Variants in DIS3L2 observed in about 807,000 individuals in gnomAD.
The protein encoded by DIS3L2 is DIS3-like exonuclease 2.
DIS3L2 carries 34 observed loss-of-function variants against 97.5 expected under a neutral mutation model. The observed-to-expected ratio is 0.35, with a 90% CI of 0.27 to 0.46. The LOEUF (loss-of-function observed/expected upper bound fraction) is 0.46. Among genes scored for constraint, DIS3L2 ranks in the 20% least tolerant of loss-of-function variants. The pLI, the probability that DIS3L2 is intolerant of heterozygous loss-of-function variation, is 1.00. For synonymous variants in DIS3L2, 435 were observed against 445.2 expected, an observed-to-expected ratio of 0.98 and a Z score of 0.29; for missense variants, 1,038 against 1,146.0, an observed-to-expected ratio of 0.91 and a Z score of 1.36.
At chr2:232,181,651 T>C (rs1346630558) in intron 9 of DIS3L2, among the ~76,000 whole-genome samples, 2 of 152,110 alleles carry the variant, frequency 1.3e-5, no homozygotes. Context: ...AATTTTTTAA[T>C]TTTTTGAGAC....
intron 1 of DIS3L2, among the ~76,000 whole-genome samples, chr2:231,967,651 A>C (rs2106213764): frequency 6.6e-6 from 1 of 152,284 alleles, no homozygotes; most frequent in South Asian, 2.1e-4. Context: ...AAGTTTTGTA[A>C]ATGAAAAAAA....
rs1216643186 is a variant in DIS3L2 at position 232,249,266 on chromosome 2, T to C, written c.1345T>C (p.Cys449Arg). The C allele has an allele frequency of 1.2e-6, 2 of 1,614,182 alleles. No homozygotes were observed. Among genetic ancestry groups the C allele is most frequent in the Non-Finnish European group, 1.7e-6 (2 of 1,180,026 alleles). Reference protein sequence around the residue: ...KVVPMLPRLLCEELCSLNPMS... With the variant: ...KVVPMLPRLLREELCSLNPMS... ...GGTCCCCATGCTTCCCAGGCTGCTGTGTGAGGAGCTGTGCAGCCTCAACCC... is the reference window on the plus strand; with the variant it reads ...GGTCCCCATGCTTCCCAGGCTGCTGCGTGAGGAGCTGTGCAGCCTCAACCC... Residue 449 changes from cysteine (C) to arginine (R), a missense_variant, in exon 12 of 21, where the codon TGT (cysteine) becomes CGT (arginine). Cys to Arg is a radical substitution (Grantham distance 180, BLOSUM62 -3). Transcript: ENST00000325385.
At chr2:232,191,256 G>A (rs16828656) in intron 9 of DIS3L2, among the ~76,000 whole-genome samples, 10,299 of 152,150 alleles carry the variant, frequency 0.068, 686 homozygotes, top group African/African-American at 0.17. Context: ...GCCAGTGGGC[G>A]ACATACACAT....
At chr2:232,014,202 G>A (rs1694289686) in intron 1 of DIS3L2, among the ~76,000 whole-genome samples, 1 of 152,228 alleles carries the variant, frequency 6.6e-6, no homozygotes, top group Admixed American at 6.5e-5. Context: ...AGATACAGCT[G>A]TTTGAGCTTC....
intron 17 of DIS3L2, 77 bp from the exon 18 acceptor site, chr2:232,334,292 C>T (rs1695867491): frequency 6.6e-7 from 1 of 1,514,556 alleles, no homozygotes; most frequent in African/African-American, 1.4e-5. Flanking sequence ...GGTGCAGCGC[C>T]ATGCAGCCCA....
At chr2:232,169,954 G>A (rs1304891440) in intron 9 of DIS3L2, among the ~76,000 whole-genome samples, 1 of 152,174 alleles carries the variant, frequency 6.6e-6, no homozygotes, top group Non-Finnish European at 1.5e-5. Context: ...TTTTCAAGAA[G>A]TTAGGCTTGC....
chr2:232,028,620 A>G (rs747689697), intron 4 of DIS3L2, among the ~76,000 whole-genome samples: 1 of 152,158 alleles, frequency 6.6e-6, no homozygotes, highest in Non-Finnish European at 1.5e-5. Context: ...ACACGTGAGT[A>G]TGGGTTAGGG....
chr2:232,016,864 A>C (rs1049079747), intron 3 of DIS3L2, among the ~76,000 whole-genome samples: 1 of 151,782 alleles, frequency 6.6e-6, no homozygotes, highest in Non-Finnish European at 1.5e-5. Context: ...GATCTAACCA[A>C]TTTACAGATG....
intron 8 of DIS3L2, among the ~76,000 whole-genome samples, chr2:232,158,208 T>C (rs974909892): frequency 1.3e-5 from 2 of 152,178 alleles, no homozygotes. Flanking sequence ...TTACAATGGA[T>C]TTAATGCTAT....
At chr2:232,171,772 A>G (rs1366413910) in intron 9 of DIS3L2, among the ~76,000 whole-genome samples, 2 of 152,200 alleles carry the variant, frequency 1.3e-5, no homozygotes, top group African/African-American at 4.8e-5. Flanking sequence ...AATGGGCCCT[A>G]AAGTAGATAC....
At chr2:232,174,836 G>GTT (rs150610608) in intron 9 of DIS3L2, among the ~76,000 whole-genome samples, 50 of 147,854 alleles carry the variant, frequency 3.4e-4, no homozygotes, top group African/African-American at 1.2e-3. Flanking sequence ...CAGTCATTCA[G>GTT]TTTTTTTTTT....
At chr2:232,097,717 C>CTAGATTTGGAGCAGAGAGTGCTCAGGGAA (rs1697065322) in intron 6 of DIS3L2, among the ~76,000 whole-genome samples, 1 of 152,144 alleles carries the variant, frequency 6.6e-6, no homozygotes, top group Admixed American at 6.5e-5. Flanking sequence ...TCAGGAACCC[C>CTAGATTTGGAGCAGAGAGTGCTCAGGGAA]AAGAGCCCAC....
Position 232,329,853 on chromosome 2 carries a change from G to GCCCA in DIS3L2, c.1782_1785dup (p.Lys596ProfsTer26). The stretch of plus-strand genomic sequence containing the variant: ...CATGCTCTTGGCCAACATGGCAGTG[G>GCCCA]CCCACAAGATCCACCGCGCCTTCCC... On this transcript the variant is annotated frameshift_variant, in exon 15 of 21. Coordinates refer to ENST00000325385, the MANE Select transcript of DIS3L2 (RefSeq NM_152383.5). LOFTEE classifies it high-confidence loss of function. 1 of 1,602,164 alleles carries GCCCA rather than the reference G, an allele frequency of 6.2e-7. No individual in the cohort carries two copies. Among genetic ancestry groups the GCCCA allele is most frequent in the Non-Finnish European group, 8.5e-7 (1 of 1,174,404 alleles).
At chr2:232,232,921 G>T (rs1415465851) in intron 10 of DIS3L2, among the ~76,000 whole-genome samples, 1 of 152,190 alleles carries the variant, frequency 6.6e-6, no homozygotes, top group African/African-American at 2.4e-5. Flanking sequence ...ACACGGAGAG[G>T]CAGAGAAACT....
At chr2:231,975,020 T>C (rs1693040531) in intron 1 of DIS3L2, among the ~76,000 whole-genome samples, 1 of 152,238 alleles carries the variant, frequency 6.6e-6, no homozygotes, top group Non-Finnish European at 1.5e-5. Context: ...TGTCTCACCA[T>C]AATTTAACAA....
chr2:232,342,571 T>G (rs1696135324), intron 13 of DIS3L2, among the ~76,000 whole-genome samples: 1 of 152,204 alleles, frequency 6.6e-6, no homozygotes, highest in African/African-American at 2.4e-5. Context: ...TGATCCACAA[T>G]TGGATTCCAA....
At chr2:232,265,691 A>G (rs1693836886) in intron 13 of DIS3L2, among the ~76,000 whole-genome samples, 1 of 152,270 alleles carries the variant, frequency 6.6e-6, no homozygotes, top group African/African-American at 2.4e-5. Flanking sequence ...AATGTTTTGG[A>G]AAGACCTGGA....
chr2:232,310,242 G>C (rs192617370), intron 14 of DIS3L2, among the ~76,000 whole-genome samples: 27 of 152,326 alleles, frequency 1.8e-4, no homozygotes, highest in African/African-American at 6.5e-4. Context: ...AATCAAGAGA[G>C]AGGAGGGGCT....
At chr2:232,145,613 T>A (rs964593131) in intron 8 of DIS3L2, among the ~76,000 whole-genome samples, 3 of 152,224 alleles carry the variant, frequency 2.0e-5, no homozygotes, top group African/African-American at 7.2e-5. Flanking sequence ...GCATTTTTTT[T>A]AATTCCTGAT....
Sources: gnomAD v4.1 joint callset for allele counts (sites outside exome capture counted in the v4.1 genomes callset) on GRCh38, gnomAD v4.1.1 for gene constraint, MANE v1.5 for transcripts, NCBI Gene and HGNC (gene_info 2026-07-23, HGNC 2026-07-21) for gene names.